BBX: variants seen among roughly 807,000 people sequenced by gnomAD.
BBX encodes BBX high mobility group box domain containing, also known as HMG box transcription factor BBX.
BBX carries 30 observed loss-of-function variants against 100.2 expected under a neutral mutation model. The ratio of observed to expected loss-of-function variants is 0.30; its 90% confidence interval spans 0.22 to 0.41. BBX has a LOEUF of 0.41. BBX is among the 10% of genes least tolerant of loss of function. The probability of loss-of-function intolerance (pLI) is 1.00; values close to 1 mark genes in which losing one functional copy is unlikely to be tolerated. For missense variants in BBX, 1,023 were observed against 1,129.8 expected (o/e 0.91, Z 1.35); for synonymous variants, 376 against 388.1 (o/e 0.97, Z 0.37).
chr3:107,761,074 C>T (rs576747774), intron 10 of BBX, among the ~76,000 whole-genome samples: 14 of 152,260 alleles, frequency 9.2e-5, no homozygotes, highest in Admixed American at 1.3e-4. Context: ...TGCCATTATC[C>T]GCTTAAATTT....
intron 3 of BBX, among the ~76,000 whole-genome samples, chr3:107,692,810 A>G (rs1445884120): frequency 1.3e-5 from 2 of 149,838 alleles, no homozygotes; most frequent in African/African-American, 4.9e-5. Flanking sequence ...TTACAGTCCC[A>G]CCAACAGTGT....
intron 3 of BBX, among the ~76,000 whole-genome samples, chr3:107,678,518 G>A (rs999059191): frequency 2.6e-5 from 4 of 152,092 alleles, no homozygotes; most frequent in Non-Finnish European, 5.9e-5. Context: ...GAGCCCAGGA[G>A]TTTGAGATAA....
At chr3:107,684,746 C>G (rs1488620512) in intron 3 of BBX, 1 of 152,256 alleles carries the variant, frequency 6.6e-6, no homozygotes, top group East Asian at 1.9e-4. Flanking sequence ...AAGATAGATA[C>G]TGTATTTGGA....
chr3:107,605,476 A>G (rs1166056364), intron 2 of BBX, among the ~76,000 whole-genome samples: 1 of 152,122 alleles, frequency 6.6e-6, no homozygotes, highest in East Asian at 1.9e-4. Flanking sequence ...GCCCAAAGCA[A>G]TAAAAAGAGG....
rs1373947341 is a variant in BBX, at chr3:107,696,437, T to G, written c.-9-14015T>G. Among the ~76,000 whole-genome samples the G allele has an allele frequency of 4.6e-5, 7 of 151,318 alleles. No homozygotes were observed. The South Asian group carries it at 8.3e-4, about 18-fold the overall frequency. On this transcript the variant is annotated intron_variant, in intron 3 of 17. Coordinates refer to ENST00000325805, the MANE Select transcript of BBX (RefSeq NM_001142568.3). ...GCATTTGCTTGTCTGTAAAGTATTT[T>G]ATTTCTCCTTCACTTATGAAGCTTA... is the stretch of plus-strand genomic sequence containing the variant.
intron 3 of BBX, among the ~76,000 whole-genome samples, chr3:107,693,368 C>T (rs1332452668): frequency 6.6e-5 from 10 of 151,226 alleles, no homozygotes; most frequent in African/African-American, 1.2e-4. Flanking sequence ...CTTGAATTGA[C>T]TTTTGTATAA....
intron 3 of BBX, among the ~76,000 whole-genome samples, chr3:107,654,691 TTTTG>T (rs767156831): frequency 3.0e-4 from 46 of 152,208 alleles, no homozygotes; most frequent in East Asian, 1.2e-3. Context: ...TTTGTTTTGT[TTTTG>T]TTTGTTTGTT....
Position 107,706,905 on chromosome 3 carries a change from C to G in BBX, c.-9-3547C>G, listed in dbSNP as rs1026325112. 2.0e-5 allele frequency among the ~76,000 whole-genome samples: 3 copies of G among 152,112 alleles called. No individual in the cohort carries two copies. In the East Asian group the frequency reaches 5.8e-4, roughly 29 times the overall value. On this transcript the variant is annotated intron_variant, in intron 3 of 17. Transcript: ENST00000325805. ...TTTTTCATCTTTTTAAAATGATTCTCTCTTGCTTTCTCATTACTTCTGAAT... is the reference window on the plus strand; with the variant it reads ...TTTTTCATCTTTTTAAAATGATTCTGTCTTGCTTTCTCATTACTTCTGAAT...
intron 2 of BBX, among the ~76,000 whole-genome samples, chr3:107,601,535 T>C (rs1275047501): frequency 6.6e-6 from 1 of 152,202 alleles, no homozygotes; most frequent in Non-Finnish European, 1.5e-5. Flanking sequence ...TCTGGATAGA[T>C]CAAACCAGCC....
chr3:107,744,115 G>A (rs2064366244), intron 7 of BBX, among the ~76,000 whole-genome samples: 1 of 151,918 alleles, frequency 6.6e-6, no homozygotes, highest in Non-Finnish European at 1.5e-5. Flanking sequence ...GGGGTTAAGA[G>A]AACTGTTGTC....
rs148408081 is a variant in BBX, at chr3:107,572,482, T to C, written c.-84+46084T>C. The stretch of plus-strand genomic sequence containing the variant: ...TATTAAAAGTAATTGCATATTAGTC[T>C]TTATATCTGAATGCTTTATAATTAC... On this transcript the variant is annotated intron_variant, in intron 2 of 17. Coordinates refer to ENST00000325805, the MANE Select transcript of BBX (RefSeq NM_001142568.3). 8.7e-3 allele frequency among the ~76,000 whole-genome samples: 1,324 copies of C among 152,316 alleles called. 26 individuals are homozygous for C. The highest frequency in any genetic ancestry group is 0.03 in the African/African-American group (1,262 of 41,560).
intron 3 of BBX, among the ~76,000 whole-genome samples, chr3:107,656,057 T>C (rs1175103721): frequency 6.6e-6 from 1 of 152,198 alleles, no homozygotes; most frequent in East Asian, 1.9e-4. Context: ...TTAAAAAATT[T>C]AAATAGCTCA....
intron 17 of BBX, among the ~76,000 whole-genome samples, chr3:107,802,965 A>T (rs368417259): frequency 6.6e-6 from 1 of 152,158 alleles, no homozygotes; most frequent in Admixed American, 6.5e-5. Flanking sequence ...TGCTATGCTC[A>T]CACCTCTCTC....
chr3:107,635,633 T>C (rs1006137999), intron 2 of BBX, among the ~76,000 whole-genome samples: 5 of 152,132 alleles, frequency 3.3e-5, no homozygotes, highest in Non-Finnish European at 7.3e-5. Flanking sequence ...TCACTGAAAT[T>C]AGGATTTGAA....
chr3:107,778,361 C>T lies in BBX; in HGVS notation c.2055-10C>T, dbSNP rs1471270945. On this transcript the variant is annotated splice_polypyrimidine_tract_variant and intron_variant, in intron 12 of 17. Transcript: ENST00000325805. ...ATGTGCTGATTGATTCCCCTCTCCCCTTTTAATAGCTCCGCAAAGCTGGAT... is the reference window on the plus strand; with the variant it reads ...ATGTGCTGATTGATTCCCCTCTCCCTTTTTAATAGCTCCGCAAAGCTGGAT... The T allele has an allele frequency of 6.2e-7, 1 of 1,612,968 alleles. No individual in the cohort carries two copies. The highest frequency in any genetic ancestry group is 8.5e-7 in the Non-Finnish European group (1 of 1,179,324).
chr3:107,791,186 A>C, intron 14 of BBX, 54 bp from the exon 15 acceptor site: 9 of 1,452,724 alleles, frequency 6.2e-6, no homozygotes, highest in Non-Finnish European at 7.7e-6. Context: ...TAGTATGGGG[A>C]ATCTACTAAG....
chr3:107,751,613 G>A (rs1462002676), intron 9 of BBX, among the ~76,000 whole-genome samples: 1 of 152,012 alleles, frequency 6.6e-6, no homozygotes, highest in African/African-American at 2.4e-5. Flanking sequence ...TCTGATCATT[G>A]AAAAGCTCAT....
intron 7 of BBX, among the ~76,000 whole-genome samples, chr3:107,736,635 T>C (rs1302012788): frequency 1.3e-5 from 2 of 152,106 alleles, no homozygotes; most frequent in African/African-American, 4.8e-5. Context: ...GAAATCCTTA[T>C]ATTTGTTAGT....
intron 2 of BBX, among the ~76,000 whole-genome samples, chr3:107,582,291 C>CT (rs1007747814): frequency 1.0e-4 from 15 of 144,558 alleles, no homozygotes; most frequent in Non-Finnish European, 1.4e-4. Context: ...TATGTGGAAG[C>CT]TTTTTTTTTT....
Sources: gnomAD v4.1 joint callset for allele counts (sites outside exome capture counted in the v4.1 genomes callset) on GRCh38, gnomAD v4.1.1 for gene constraint, MANE v1.5 for transcripts, NCBI Gene and HGNC (gene_info 2026-07-23, HGNC 2026-07-21) for gene names.